The following SEC11A variants were observed in gnomAD, a reference collection of about 807,000 sequenced individuals.
SEC11A encodes the protein signal peptidase complex catalytic subunit SEC11A.
A neutral mutation model predicts 25.6 loss-of-function variants in SEC11A; 14 were observed. The ratio of observed to expected loss-of-function variants is 0.55; its 90% CI spans 0.36 to 0.85. The LOEUF (loss-of-function observed/expected upper bound fraction) is 0.85. Ranked by LOEUF, SEC11A falls within the 40% of genes least tolerant of loss-of-function variation. The probability of loss-of-function intolerance (pLI) is 0.01; values close to 1 mark genes in which losing one functional copy is unlikely to be tolerated. For missense variants in SEC11A, 153 were observed against 222.9 expected (o/e 0.69, Z 2.00); for synonymous variants, 83 against 76.4 (o/e 1.09, Z -0.45).
Position 84,691,354 on chromosome 15 carries a change from A to G in SEC11A, c.161+181T>C, listed in dbSNP as rs527872702. Among the ~76,000 whole-genome samples, 7 of 152,292 alleles carry G rather than the reference A, an allele frequency of 4.6e-5. No homozygotes were observed. The East Asian group carries it at 5.8e-4, about 13-fold the overall frequency. ...ATCCCAAATTGGTGGGATTACAGGCATAAGCCACCGTGCCCAGCCTGAGAA... is the reference window on the plus strand; with the variant it reads ...ATCCCAAATTGGTGGGATTACAGGCGTAAGCCACCGTGCCCAGCCTGAGAA... On this transcript the variant is annotated intron_variant, in intron 2 of 5. Transcript: ENST00000268220.
intron 1 of SEC11A, chr15:84,692,004 CTCT>C (rs1897622348): frequency 6.3e-6 from 1 of 157,686 alleles, no homozygotes; most frequent in African/African-American, 2.4e-5. Flanking sequence ...TTCTGAACTC[CTCT>C]ATTACTTTTT....
chr15:84,697,654 T>C (rs1249631860), intron 1 of SEC11A, among the ~76,000 whole-genome samples: 4 of 152,208 alleles, frequency 2.6e-5, no homozygotes, highest in African/African-American at 9.6e-5. Context: ...CAACAGTCTT[T>C]ACTCAAACGT....
intron 2 of SEC11A, 64 bp from the exon 3 acceptor site, chr15:84,687,838 T>C (rs1897475827): frequency 7.3e-7 from 1 of 1,366,150 alleles, no homozygotes; most frequent in South Asian, 1.3e-5. Context: ...CTTTCAAAAT[T>C]AGATATTCAA....
intron 2 of SEC11A, among the ~76,000 whole-genome samples, chr15:84,690,097 A>G (rs1897558762): frequency 6.6e-6 from 1 of 152,144 alleles, no homozygotes; most frequent in Non-Finnish European, 1.5e-5. Flanking sequence ...GTGAGATCCT[A>G]TCTGCTACGG....
At chr15:84,710,994 C>T (rs143680795) in intron 1 of SEC11A, among the ~76,000 whole-genome samples, 2,063 of 150,916 alleles carry the variant, frequency 0.014, 20 homozygotes, top group Non-Finnish European at 0.019. Context: ...CGCTTGAACC[C>T]GGGGGGCGGA....
At position 84,670,516 on chromosome 15, in the gene SEC11A, G is replaced by T. The variant is rs202086848; in HGVS notation, c.489+209C>A. The T allele has an allele frequency of 3.1e-4, 107 of 348,762 alleles. No homozygotes were observed. The East Asian group carries it at 3.6e-3, about 12-fold the overall frequency. 21.6% of individuals were successfully genotyped at this position (348,762 alleles called of 1,614,324 possible). On this transcript the variant is annotated intron_variant, in intron 5 of 5. Transcript: ENST00000268220. ...AGCCTCCCAAAGTGCTGGGATTACAGGCGTGAGCCACTGCGCCCAGGCTAA... is the reference window on the plus strand; with the variant it reads ...AGCCTCCCAAAGTGCTGGGATTACATGCGTGAGCCACTGCGCCCAGGCTAA...
Position 84,670,794 on chromosome 15 carries a change from A to C in SEC11A, c.432-12T>G. The C allele has an allele frequency of 7.4e-7, 1 of 1,347,538 alleles. No homozygotes were observed. Among genetic ancestry groups the C allele is most frequent in the Non-Finnish European group, 1.0e-6 (1 of 977,826 alleles). 83.5% of individuals were successfully genotyped at this position (1,347,538 alleles called of 1,614,324 possible). A position where few individuals can be genotyped will look rare whatever the true frequency, so the allele number is the denominator to read the frequency against. On this transcript the variant is annotated splice_polypyrimidine_tract_variant and intron_variant, in intron 4 of 5. Coordinates refer to ENST00000268220, the MANE Select transcript of SEC11A (RefSeq NM_014300.4). ...TATAAGGAACAAATCTAAAACAAAC[A>C]AAAAACTGATTATCACAGAATTTCC...
chr15:84,707,154 T>C (rs969148436), intron 1 of SEC11A, among the ~76,000 whole-genome samples: 10 of 150,536 alleles, frequency 6.6e-5, no homozygotes, highest in African/African-American at 2.0e-4. Flanking sequence ...CTCTTACTTA[T>C]CCAGCTTCTC....
intron 1 of SEC11A, among the ~76,000 whole-genome samples, chr15:84,706,801 G>A (rs1283993293): frequency 6.6e-6 from 1 of 152,194 alleles, no homozygotes; most frequent in African/African-American, 2.4e-5. Context: ...GCCCTTCCCT[G>A]TATGGTTCTG....
At chr15:84,711,029 C>T (rs1352580154) in intron 1 of SEC11A, among the ~76,000 whole-genome samples, 6 of 150,098 alleles carry the variant, frequency 4.0e-5, no homozygotes, top group Admixed American at 3.3e-4. Flanking sequence ...GAGGTCGAGC[C>T]ATTGCACTCT....
chr15:84,691,885 A>G (rs777694029), intron 1 of SEC11A: 1 of 315,430 alleles, frequency 3.2e-6, no homozygotes, highest in Admixed American at 5.0e-5. Flanking sequence ...ATATAACACC[A>G]TATTATTTTA....
At chr15:84,674,742 T>A (rs949735890) in intron 4 of SEC11A, among the ~76,000 whole-genome samples, 2 of 152,114 alleles carry the variant, frequency 1.3e-5, no homozygotes, top group African/African-American at 4.8e-5. Flanking sequence ...AATTTTTTTG[T>A]AGAGACAGCA....
intron 1 of SEC11A, among the ~76,000 whole-genome samples, chr15:84,714,198 TA>T (rs1898384887): frequency 6.6e-6 from 1 of 152,038 alleles, no homozygotes; most frequent in Admixed American, 6.6e-5. Context: ...GTATTTTTAG[TA>T]GAGAGGGGGT....
At chr15:84,684,578 C>G (rs1039270296) in intron 3 of SEC11A, among the ~76,000 whole-genome samples, 3 of 152,126 alleles carry the variant, frequency 2.0e-5, no homozygotes, top group Non-Finnish European at 2.9e-5. Flanking sequence ...GATGAACCTA[C>G]TAAATACATA....
rs1897558465 is a variant in SEC11A, at chr15:84,690,080, C to CA, written c.161+1454dup. ...CCCAGGAGTTCAAGACCAGACTGGGCAACACAGTGAGATCCTATCTGCTAC... is the reference window on the plus strand; with the variant it reads ...CCCAGGAGTTCAAGACCAGACTGGGCAAACACAGTGAGATCCTATCTGCTAC... On this transcript the variant is annotated intron_variant, in intron 2 of 5. Transcript: ENST00000268220. 2.6e-5 allele frequency among the ~76,000 whole-genome samples: 4 copies of CA among 152,232 alleles called. No homozygotes were observed. The South Asian group carries it at 8.3e-4, about 32-fold the overall frequency.
chr15:84,677,470 TTTTTC>T (rs1410765712), intron 4 of SEC11A, among the ~76,000 whole-genome samples: 3 of 150,998 alleles, frequency 2.0e-5, no homozygotes, highest in Admixed American at 6.6e-5. Context: ...TTTTCTTTTC[TTTTTC>T]TTTTTTTTTT....
At chr15:84,691,055 T>C (rs1033546286) in intron 2 of SEC11A, among the ~76,000 whole-genome samples, 6 of 148,668 alleles carry the variant, frequency 4.0e-5, no homozygotes, top group African/African-American at 1.5e-4. Context: ...CCTAACAAAG[T>C]AAGAATTTCT....
At chr15:84,709,189 T>G (rs1013670386) in intron 1 of SEC11A, among the ~76,000 whole-genome samples, 9 of 151,796 alleles carry the variant, frequency 5.9e-5, no homozygotes, top group Admixed American at 2.6e-4. Context: ...TATTAGTGAG[T>G]AAATATCTTT....
At chr15:84,704,093 T>C (rs1029242185) in intron 1 of SEC11A, among the ~76,000 whole-genome samples, 1 of 152,092 alleles carries the variant, frequency 6.6e-6, no homozygotes. Flanking sequence ...CTGCCACCAA[T>C]CCTGATGGCA....
Sources: allele counts gnomAD v4.1 joint callset (sites outside exome capture counted in the v4.1 genomes callset), GRCh38; gene constraint gnomAD v4.1.1; transcripts MANE v1.5; gene names NCBI Gene and HGNC (gene_info 2026-07-23, HGNC 2026-07-21).